FLACC1: variants seen among roughly 807,000 people sequenced by gnomAD.
FLACC1 encodes the protein flagellum associated containing coiled-coil domains 1.
In FLACC1, 66 loss-of-function variants were observed where a neutral mutation model predicts 62.8. The ratio of observed to expected loss-of-function variants is 1.05; its 90% CI spans 0.86 to 1.29. The LOEUF (loss-of-function observed/expected upper bound fraction) is 1.29. FLACC1 is among the 50% of genes most tolerant of loss of function. The pLI is 0.00. For missense variants in FLACC1, 452 were observed against 489.1 expected (o/e 0.92, Z 0.71); for synonymous variants, 156 against 161.0 (o/e 0.97, Z 0.24).
In FLACC1 at chr2:201,350,797, C is replaced by T; in HGVS notation, c.114-15G>A. ...GAGGAGTTAGCCTGAAAGTGAAAAA[C>T]AAATAACTAAAACAAGAACATTGGA... On this transcript the variant is annotated splice_polypyrimidine_tract_variant and intron_variant, in intron 2 of 14. Transcript: ENST00000392257. 1 of 1,600,218 alleles carries T rather than the reference C, an allele frequency of 6.2e-7. No homozygotes were observed. Among genetic ancestry groups the T allele is most frequent in the African/African-American group, 1.3e-5 (1 of 74,594 alleles).
chr2:201,346,509 C>A lies in FLACC1; in HGVS notation c.368+33G>T. On this transcript the variant is annotated intron_variant, in intron 5 of 14. Transcript: ENST00000392257. The surrounding 1 kb of genome is among the most constrained non-coding windows in gnomAD (Gnocchi z 4.0). ...CGGGCTGAGCTGGGTGGGAGTAGCCCCAAGCAGCTGCATGTTGCTGCAACA... is the reference window on the plus strand; with the variant it reads ...CGGGCTGAGCTGGGTGGGAGTAGCCACAAGCAGCTGCATGTTGCTGCAACA... 1 of 1,610,234 alleles carries A rather than the reference C, an allele frequency of 6.2e-7. No individual in the cohort carries two copies. Among genetic ancestry groups the A allele is most frequent in the Non-Finnish European group, 8.5e-7 (1 of 1,179,562 alleles).
At chr2:201,345,500 T>C (rs1950895490) in intron 5 of FLACC1, among the ~76,000 whole-genome samples, 1 of 146,712 alleles carries the variant, frequency 6.8e-6, no homozygotes, top group Admixed American at 6.7e-5. Context: ...GTGTGTGTGT[T>C]TTCTATTGTT....
chr2:201,340,669 C>T (rs374262401), intron 7 of FLACC1, among the ~76,000 whole-genome samples: 1 of 152,254 alleles, frequency 6.6e-6, no homozygotes, highest in Non-Finnish European at 1.5e-5. Context: ...CATCACAGTC[C>T]TAAAGTATTC....
chr2:201,312,902 A>G (rs991664363), intron 9 of FLACC1, among the ~76,000 whole-genome samples: 1 of 152,192 alleles, frequency 6.6e-6, no homozygotes, highest in Non-Finnish European at 1.5e-5. Flanking sequence ...CAAACTGTGG[A>G]AGTAGGAAAG....
chr2:201,294,871 A>C (rs1369043468), intron 12 of FLACC1, among the ~76,000 whole-genome samples: 1 of 152,192 alleles, frequency 6.6e-6, no homozygotes, highest in Non-Finnish European at 1.5e-5. Context: ...ATTCCTATAC[A>C]CCAATAACAG....
intron 5 of FLACC1, among the ~76,000 whole-genome samples, chr2:201,344,882 C>T (rs1950881794): frequency 6.6e-6 from 1 of 152,190 alleles, no homozygotes; most frequent in Admixed American, 6.5e-5. Context: ...GCTTTGACCT[C>T]TTTGGCCAAC....
intron 1 of FLACC1, among the ~76,000 whole-genome samples, chr2:201,356,247 A>G (rs1022371800): frequency 9.2e-5 from 14 of 151,892 alleles, no homozygotes; most frequent in Middle Eastern, 3.2e-3. Flanking sequence ...TGCAACCTCT[A>G]CCTCCGAGGT....
At chr2:201,314,102 C>T (rs1950266519) in intron 9 of FLACC1, among the ~76,000 whole-genome samples, 1 of 152,084 alleles carries the variant, frequency 6.6e-6, no homozygotes, top group South Asian at 2.1e-4. Flanking sequence ...ACAGAACCTA[C>T]CCAAATGAGA....
intron 11 of FLACC1, among the ~76,000 whole-genome samples, chr2:201,303,393 C>A (rs1950030727): frequency 6.6e-6 from 1 of 152,148 alleles, no homozygotes; most frequent in Non-Finnish European, 1.5e-5. Context: ...GAAGTTGAAT[C>A]CGTGAATAGA....
At chr2:201,310,651 C>G (rs1950200644) in intron 9 of FLACC1, among the ~76,000 whole-genome samples, 1 of 152,140 alleles carries the variant, frequency 6.6e-6, no homozygotes, top group Non-Finnish European at 1.5e-5. Flanking sequence ...CGGGAGCACT[C>G]CATGCTTTGC....
chr2:201,344,714 G>C (rs1281821525), intron 5 of FLACC1, among the ~76,000 whole-genome samples: 1 of 152,188 alleles, frequency 6.6e-6, no homozygotes, highest in Non-Finnish European at 1.5e-5. Context: ...GTATTTAAGA[G>C]AGTGGCTTTC....
intron 9 of FLACC1, among the ~76,000 whole-genome samples, chr2:201,315,919 CA>C (rs748423049): frequency 2.0e-5 from 3 of 152,050 alleles, no homozygotes; most frequent in Non-Finnish European, 4.4e-5. Context: ...CATGCAAATA[CA>C]TGGAAATTAA....
chr2:201,312,198 G>C (rs1432333932), intron 9 of FLACC1, among the ~76,000 whole-genome samples: 5 of 152,290 alleles, frequency 3.3e-5, no homozygotes, highest in Middle Eastern at 6.8e-3. Context: ...TCTGCCAAAA[G>C]GCTCCTGGAA....
Position 201,351,436 on chromosome 2 carries a change from G to A in FLACC1, c.-32C>T. 6.7e-7 allele frequency: 1 copy of A among 1,500,404 alleles called. No individual in the cohort carries two copies. The highest frequency in any genetic ancestry group is 9.3e-7 in the Non-Finnish European group (1 of 1,079,358). 92.9% of individuals were successfully genotyped at this position (1,500,404 alleles called of 1,614,324 possible). On this transcript the variant is annotated 5_prime_UTR_variant, in exon 2 of 15. Coordinates refer to ENST00000392257, the MANE Select transcript of FLACC1 (RefSeq NM_001127391.3). ...AGGTCAGGGGGAGTCTTGGCTGCTA[G>A]ATCAGGAGGCTCTTGCTGAAATTGA...
intron 1 of FLACC1, among the ~76,000 whole-genome samples, chr2:201,354,726 T>C (rs1276053515): frequency 1.3e-5 from 2 of 152,176 alleles, no homozygotes; most frequent in Non-Finnish European, 2.9e-5. Flanking sequence ...CTGCTTCCTG[T>C]ACGAAAGGAG....
At chr2:201,306,012 A>G (rs1950097389) in intron 11 of FLACC1, among the ~76,000 whole-genome samples, 1 of 152,106 alleles carries the variant, frequency 6.6e-6, no homozygotes. Context: ...GCAGCACACC[A>G]ACATGGCACA....
intron 5 of FLACC1, among the ~76,000 whole-genome samples, chr2:201,345,847 T>C (rs1950902693): frequency 6.6e-6 from 1 of 152,096 alleles, no homozygotes; most frequent in Admixed American, 6.6e-5. Flanking sequence ...CCCGGGGGCA[T>C]GAGCTGAGTA....
chr2:201,296,383 A>T (rs1949862367), intron 12 of FLACC1, among the ~76,000 whole-genome samples: 1 of 152,036 alleles, frequency 6.6e-6, no homozygotes, highest in Non-Finnish European at 1.5e-5. Flanking sequence ...GAAGCTGGAA[A>T]CCATCATTCT....
chr2:201,321,487 AC>A (rs1009484878), intron 9 of FLACC1, among the ~76,000 whole-genome samples: 1 of 150,658 alleles, frequency 6.6e-6, no homozygotes, highest in Non-Finnish European at 1.5e-5. Context: ...CAGACAGACA[AC>A]CCCCCCACCC....
Sources: gnomAD v4.1 joint callset for allele counts (sites outside exome capture counted in the v4.1 genomes callset) on GRCh38, gnomAD v4.1.1 for gene constraint, Gnocchi (gnomAD v3.1) non-coding constraint, MANE v1.5 for transcripts, NCBI Gene and HGNC (gene_info 2026-07-23, HGNC 2026-07-21) for gene names.